The following VSIG10L variants were observed in gnomAD, a reference collection of about 807,000 sequenced individuals.
The protein encoded by VSIG10L is V-set and immunoglobulin domain-containing protein 10-like.
A neutral mutation model predicts 67.3 loss-of-function variants in VSIG10L; 63 were observed. The observed-to-expected ratio is 0.94, with a 90% CI of 0.76 to 1.15. The LOEUF (loss-of-function observed/expected upper bound fraction) is 1.15. Ranked by LOEUF, VSIG10L falls within the 50% of genes most tolerant of loss-of-function variation. The pLI is 0.00. For missense variants in VSIG10L, 1,050 were observed against 1,177.5 expected, an observed-to-expected ratio of 0.89 and a Z score of 1.58; for synonymous variants, 499 against 524.9, an observed-to-expected ratio of 0.95 and a Z score of 0.67.
chr19:51,339,164 T>A, intron 4 of VSIG10L, 22 bp from the exon 5 acceptor site: 2 of 1,278,014 alleles, frequency 1.6e-6, no homozygotes, highest in Non-Finnish European at 2.0e-6. Flanking sequence ...AGGGAGAGAA[T>A]GAAGATGGAG....
In VSIG10L at chr19:51,340,766, G is replaced by T; in HGVS notation, c.896-40C>A. The T allele has an allele frequency of 7.0e-7, 1 of 1,437,144 alleles. No individual in the cohort carries two copies. Among genetic ancestry groups the T allele is most frequent in the East Asian group, 2.5e-5 (1 of 39,398 alleles). The allele number at this position is 1,437,144 out of a possible 1,614,324, so 89.0% of individuals were successfully genotyped here. A position where few individuals can be genotyped will look rare whatever the true frequency, so the allele number is the denominator to read the frequency against. On this transcript the variant is annotated intron_variant, in intron 2 of 9. Transcript: ENST00000335624. The surrounding 1 kb of genome is among the most constrained non-coding windows in gnomAD (Gnocchi z 6.3). Reference sequence around the variant, plus strand: ...ATGGGCTCAGGACCCACCCAGTCCTGGAGCCCATCTTTGGTCCCCTTAGAG... The same window carrying T: ...ATGGGCTCAGGACCCACCCAGTCCTTGAGCCCATCTTTGGTCCCCTTAGAG...
chr19:51,333,568 C>T (rs990588710), intron 9 of VSIG10L, among the ~76,000 whole-genome samples: 5 of 151,934 alleles, frequency 3.3e-5, no homozygotes, highest in Admixed American at 3.3e-4. Context: ...CTATTTCCCT[C>T]CTTTGGAGAA....
rs746012174 is a variant in VSIG10L at position 51,340,037 on chromosome 19, C to T, written c.1452G>A (p.Ser484=). 13 of 1,436,406 alleles carry T rather than the reference C, an allele frequency of 9.1e-6. No individual in the cohort carries two copies. Among genetic ancestry groups the T allele is most frequent in the Middle Eastern group, 2.5e-4 (1 of 4,028 alleles). 89.0% of individuals were successfully genotyped at this position (1,436,406 alleles called of 1,614,324 possible). The change falls in exon 4 of 10, where the codon TCG becomes TCA. Residue 484 remains serine, a synonymous_variant. Transcript: ENST00000335624. The surrounding 1 kb of genome is among the most constrained non-coding windows in gnomAD (Gnocchi z 6.3). ...CACCCGCCACTGTAAGGTTGAGCAG[C>T]GAGCGGCGGCGGCGGCCGGTACGCG... is the stretch of plus-strand genomic sequence containing the variant. ...ANPRTGRRRR[S]LLNLTVADLP...
At chr19:51,336,085 A>G (rs1303477564) in intron 7 of VSIG10L, among the ~76,000 whole-genome samples, 1 of 152,228 alleles carries the variant, frequency 6.6e-6, no homozygotes, top group Non-Finnish European at 1.5e-5. Flanking sequence ...GAGATGCTCC[A>G]ATGGAGGCAT....
In VSIG10L at chr19:51,339,488, AG is replaced by A. The variant is rs549383177; in HGVS notation, c.1475-347del. On this transcript the variant is annotated intron_variant, in intron 4 of 9. Transcript: ENST00000335624. ...ACTCCGAGAAGCCTCCCCTTTTCCC[AG>A]ATATCTCCGCCCTTCCTTGTGGACC... Among the ~76,000 whole-genome samples, 127 of 150,610 alleles carry A rather than the reference AG, an allele frequency of 8.4e-4. 2 individuals carry two copies. The highest frequency in any genetic ancestry group is 7.6e-3 in the Admixed American group (115 of 15,188).
rs1398798639 is a variant in VSIG10L at position 51,340,522 on chromosome 19, C to T, written c.1100G>A (p.Arg367His). The T allele has an allele frequency of 1.6e-5, 24 of 1,534,252 alleles. No homozygotes were observed. The highest frequency in any genetic ancestry group is 2.5e-5 in the East Asian group (1 of 40,816). Reference protein sequence around the residue: ...RSEGDQLLIVRPVRSDHARYT... With the variant: ...RSEGDQLLIVHPVRSDHARYT... ...CCGGGCGTGGTCGCTGCGCACAGGG[C>T]GCACGATGAGCAGCTGGTCGCCCTC... Residue 367 changes from arginine to histidine, a missense_variant, in exon 3 of 10, where the codon CGC becomes CAC. Around this residue, in one of 3 missense-constraint regions of VSIG10L, gnomAD observed 511 missense variants for 557.9 expected, o/e 0.92. Coordinates refer to ENST00000335624, the MANE Select transcript of VSIG10L (RefSeq NM_001163922.3). The surrounding 1 kb of genome is among the most constrained non-coding windows in gnomAD (Gnocchi z 6.3).
chr19:51,337,586 AGGGGGCTG>A, intron 6 of VSIG10L, 52 bp from the exon 7 acceptor site: 3 of 290,868 alleles, frequency 1.0e-5, no homozygotes, highest in Non-Finnish European at 1.4e-5. Flanking sequence ...GGGAGAGGGA[AGGGGGCTG>A]GGGGGCTGGG....
intron 4 of VSIG10L, 135 bp downstream of exon 4, chr19:51,339,879 GC>G: frequency 2.9e-6 from 2 of 679,030 alleles, no homozygotes; most frequent in Non-Finnish European, 3.8e-6. Context: ...TTGGTGACCC[GC>G]CCTCCCGCTG....
chr19:51,332,481 C>CTCAG lies in VSIG10L; in HGVS notation c.*126_*129dup. 1.9e-6 allele frequency: 2 copies of CTCAG among 1,077,260 alleles called. No homozygotes were observed. The allele number at this position is 1,077,260 out of a possible 1,614,324, so 66.7% of individuals were successfully genotyped here. On this transcript the variant is annotated 3_prime_UTR_variant, in exon 10 of 10. Transcript: ENST00000335624. ...AAAGTCCCACTTTCAGGGTCCAACCCTCAGTCATAGCAGGCCCTGGCTGCT... is the reference window on the plus strand; with the variant it reads ...AAAGTCCCACTTTCAGGGTCCAACCCTCAGTCAGTCATAGCAGGCCCTGGCTGCT...
Position 51,338,982 on chromosome 19 carries a change from C to A in VSIG10L, c.1635G>T (p.Leu545=). The A allele has an allele frequency of 7.0e-7, 1 of 1,432,218 alleles. No individual in the cohort carries two copies. Among genetic ancestry groups the A allele is most frequent in the South Asian group, 1.4e-5 (1 of 69,294 alleles). The allele number at this position is 1,432,218 out of a possible 1,614,324, so 88.7% of individuals were successfully genotyped here. Residue 545 remains leucine, a synonymous_variant, in exon 5 of 10, where the codon CTG becomes CTT. Coordinates refer to ENST00000335624, the MANE Select transcript of VSIG10L (RefSeq NM_001163922.3). ...IRAGPVSSVL[L]AAVPAHPRLS... is the part of the protein sequence containing the mutation. ...GCCGGGGGTGGGCGGGGACGGCCGC[C>A]AGCAGCACAGAGGACACTGGCCCGG...
rs557082335 is a variant in VSIG10L at position 51,337,087 on chromosome 19, T to C, written c.2305+151A>G. ...AGCCGACACCTTGATTTTAGACTTC[T>C]GACCTCCAGACCTGTGAGAGAAGAA... On this transcript the variant is annotated intron_variant, in intron 7 of 9. Coordinates refer to ENST00000335624, the MANE Select transcript of VSIG10L (RefSeq NM_001163922.3). The C allele has an allele frequency of 1.2e-4, 131 of 1,077,140 alleles. 3 individuals are homozygous for C. In the South Asian group the frequency reaches 1.8e-3, roughly 15 times the overall value. 66.7% of individuals were successfully genotyped at this position (1,077,140 alleles called of 1,614,324 possible).
chr19:51,334,396 G>A, intron 7 of VSIG10L, 92 bp from the exon 8 acceptor site: 3 of 1,128,526 alleles, frequency 2.7e-6, no homozygotes, highest in African/African-American at 1.6e-5. Context: ...CTGGGACCCA[G>A]GAGTCCGGCC....
chr19:51,339,139 A>C lies in VSIG10L; in HGVS notation c.1478T>G (p.Leu493Arg). 3 of 1,293,808 alleles carry C rather than the reference A, an allele frequency of 2.3e-6. No homozygotes were observed. Among genetic ancestry groups the C allele is most frequent in the Non-Finnish European group, 3.0e-6 (3 of 1,011,940 alleles). 80.1% of individuals were successfully genotyped at this position (1,293,808 alleles called of 1,614,324 possible). ...RSLLNLTVAD[L>R]PPGAPQCSVE... Reference sequence around the variant, plus strand: ...TGAGCACTGTGGGGCCCCGGGGGGCAGGTCTGCGGAGAGAAGGGAGAGAAT... The same window carrying C: ...TGAGCACTGTGGGGCCCCGGGGGGCCGGTCTGCGGAGAGAAGGGAGAGAAT... Residue 493 changes from leucine (L) to arginine (R), a missense_variant, in exon 5 of 10, where the codon CTG becomes CGG. Physicochemically the swap from Leu to Arg is moderately radical, Grantham distance 102. This residue lies in a region of VSIG10L where 529 missense variants were observed against 584.9 expected (regional missense o/e 0.90). Coordinates refer to ENST00000335624, the MANE Select transcript of VSIG10L (RefSeq NM_001163922.3).
intron 2 of VSIG10L, 103 bp downstream of exon 2, chr19:51,341,050 C>T (rs1226276023): frequency 1.4e-6 from 2 of 1,411,436 alleles, no homozygotes; most frequent in Non-Finnish European, 1.9e-6. Context: ...CCCAGAAGTC[C>T]TCTTCTCCTA....
At position 51,340,617 on chromosome 19, in the gene VSIG10L, G is replaced by A. The variant is rs1173873326; in HGVS notation, c.1005C>T (p.Ser335=). ...LGWGPGRGEL[S]WSRDGRALEA... ...CCAGGGCGCGTCCGTCCCGGCTCCA[G>A]CTCAGCTCCCCGCGACCTGGCCCCC... is the stretch of plus-strand genomic sequence containing the variant. The change falls in exon 3 of 10, where the codon AGC becomes AGT. Residue 335 remains serine, a synonymous_variant. Coordinates refer to ENST00000335624, the MANE Select transcript of VSIG10L (RefSeq NM_001163922.3). The surrounding 1 kb of genome is among the most constrained non-coding windows in gnomAD (Gnocchi z 6.3). The A allele has an allele frequency of 6.5e-7, 1 of 1,534,806 alleles. No homozygotes were observed. The highest frequency in any genetic ancestry group is 1.2e-5 in the South Asian group (1 of 83,948).
chr19:51,338,858 A>G, intron 5 of VSIG10L, 30 bp downstream of exon 5: 1 of 1,358,886 alleles, frequency 7.4e-7, no homozygotes, highest in Middle Eastern at 1.9e-4. Flanking sequence ...CCTCCTCGAG[A>G]AACAGCAAAA....
intron 7 of VSIG10L, among the ~76,000 whole-genome samples, chr19:51,334,967 A>G (rs1367612488): frequency 6.6e-6 from 1 of 152,174 alleles, no homozygotes; most frequent in Non-Finnish European, 1.5e-5. Context: ...AACAAAAAAC[A>G]AAAAAGGAAC....
At chr19:51,335,773 G>C (rs146802076) in intron 7 of VSIG10L, among the ~76,000 whole-genome samples, 16 of 152,110 alleles carry the variant, frequency 1.1e-4, no homozygotes, top group African/African-American at 3.4e-4. Context: ...TTAGCTGGGC[G>C]TGGTGGCTCA....
Position 51,340,850 on chromosome 19 carries a change from C to T in VSIG10L, c.896-124G>A. Reference sequence around the variant, plus strand: ...GAGTCTCAGCCCCCATCCCTCTCCTCTCATAAACCTATGAGTTTGAGCCCC... The same window carrying T: ...GAGTCTCAGCCCCCATCCCTCTCCTTTCATAAACCTATGAGTTTGAGCCCC... On this transcript the variant is annotated intron_variant, in intron 2 of 9. Coordinates refer to ENST00000335624, the MANE Select transcript of VSIG10L (RefSeq NM_001163922.3). The surrounding 1 kb of genome is among the most constrained non-coding windows in gnomAD (Gnocchi z 6.3). 8.0e-7 allele frequency: 1 copy of T among 1,244,200 alleles called. No individual in the cohort carries two copies. Among genetic ancestry groups the T allele is most frequent in the Non-Finnish European group, 1.1e-6 (1 of 941,240 alleles). 77.1% of individuals were successfully genotyped at this position (1,244,200 alleles called of 1,614,324 possible).
Sources: allele counts gnomAD v4.1 joint callset (sites outside exome capture counted in the v4.1 genomes callset), GRCh38; gene constraint gnomAD v4.1.1; regional missense constraint gnomAD v4.1.1; non-coding constraint Gnocchi (gnomAD v3.1); transcripts MANE v1.5; gene names NCBI Gene and HGNC (gene_info 2026-07-23, HGNC 2026-07-21).